Variants in COL5A1 observed in about 807,000 individuals in gnomAD.
COL5A1 encodes collagen alpha-1(V) chain.
COL5A1 carries 16 observed loss-of-function variants against 263.7 expected under a neutral mutation model. The observed-to-expected ratio is 0.06, with a 90% CI of 0.04 to 0.09. COL5A1 has a LOEUF of 0.09. COL5A1 is among the 10% of genes least tolerant of loss of function. The probability of loss-of-function intolerance (pLI) is 1.00; values close to 1 mark genes in which losing one functional copy is unlikely to be tolerated. For synonymous variants in COL5A1, 1,012 were observed against 1,004.5 expected (o/e 1.01, Z -0.14); for missense variants, 2,036 against 2,540.5 (o/e 0.80, Z 4.27).
At chr9:134,795,008 C>T in intron 32 of COL5A1, 74 bp from the exon 33 acceptor site, 1 of 1,520,154 alleles carries the variant, frequency 6.6e-7, no homozygotes, top group South Asian at 1.1e-5. Flanking sequence ...CTCTCAATAA[C>T]CCGGGAGACA....
chr9:134,806,836 G>A (rs961645916), intron 42 of COL5A1, among the ~76,000 whole-genome samples: 3 of 152,138 alleles, frequency 2.0e-5, no homozygotes, highest in African/African-American at 7.2e-5. Flanking sequence ...CAAAGAAGGG[G>A]CAGGGGATGG....
chr9:134,748,461 C>T (rs1009447798), intron 11 of COL5A1, among the ~76,000 whole-genome samples: 1 of 152,238 alleles, frequency 6.6e-6, no homozygotes, highest in Admixed American at 6.5e-5. Flanking sequence ...GCAGCTTGTC[C>T]TTGGGAGACA....
At position 134,821,953 on chromosome 9, in the gene COL5A1, G is replaced by A; in HGVS notation, c.4555-144G>A. On this transcript the variant is annotated intron_variant, in intron 58 of 65. Coordinates refer to ENST00000371817, the MANE Select transcript of COL5A1 (RefSeq NM_000093.5). The surrounding 1 kb of genome is among the most constrained non-coding windows in gnomAD (Gnocchi z 4.2). Reference sequence around the variant, plus strand: ...ATGCACAGCCCAGGATCAGAAAGCAGCCACAGGAGGCTGCTGAGGGGCCAA... The same window carrying A: ...ATGCACAGCCCAGGATCAGAAAGCAACCACAGGAGGCTGCTGAGGGGCCAA... 1.3e-6 allele frequency: 1 copy of A among 761,580 alleles called. No individual in the cohort carries two copies. Among genetic ancestry groups the A allele is most frequent in the Non-Finnish European group, 2.4e-6 (1 of 425,246 alleles). 47.2% of individuals were successfully genotyped at this position (761,580 alleles called of 1,614,324 possible). A position where few individuals can be genotyped will look rare whatever the true frequency, so the allele number is the denominator to read the frequency against.
At position 134,642,131 on chromosome 9, in the gene COL5A1, G is replaced by C; in HGVS notation, c.-57G>C. The C allele has an allele frequency of 8.1e-7, 1 of 1,234,550 alleles. No individual in the cohort carries two copies. The highest frequency in any genetic ancestry group is 4.3e-5 in the Admixed American group (1 of 23,502). 76.5% of individuals were successfully genotyped at this position (1,234,550 alleles called of 1,614,324 possible). ...TGCCCGGGCCGTGACCCGCGCCCCT[G>C]TGCGTCCCCGCGCGCCTCCGAGCGC... On this transcript the variant is annotated 5_prime_UTR_variant, in exon 1 of 66. Coordinates refer to ENST00000371817, the MANE Select transcript of COL5A1 (RefSeq NM_000093.5). This position sits in a 1 kb window ranked among gnomAD's most constrained non-coding sequence, Gnocchi z 4.5.
chr9:134,731,946 TG>T, intron 8 of COL5A1, 124 bp from the exon 9 acceptor site: 1 of 1,145,626 alleles, frequency 8.7e-7, no homozygotes, highest in South Asian at 1.2e-5. Context: ...CTCCTGGGCC[TG>T]GGGAGATGCC....
At chr9:134,706,856 G>A (rs568470617) in intron 4 of COL5A1, among the ~76,000 whole-genome samples, 2 of 152,346 alleles carry the variant, frequency 1.3e-5, no homozygotes, top group South Asian at 2.1e-4. Flanking sequence ...TAAGCTGTTA[G>A]CAAGGGCAGA....
At chr9:134,694,662 C>T (rs945819086) in intron 2 of COL5A1, among the ~76,000 whole-genome samples, 1 of 152,218 alleles carries the variant, frequency 6.6e-6, no homozygotes, top group Non-Finnish European at 1.5e-5. Context: ...CAACCCTGAG[C>T]CACGGTTGCT....
intron 4 of COL5A1, among the ~76,000 whole-genome samples, chr9:134,724,786 C>T (rs1259967958): frequency 6.6e-6 from 1 of 152,202 alleles, no homozygotes; most frequent in East Asian, 1.9e-4. Flanking sequence ...TGTCACTAGA[C>T]TCCTCCTGGC....
chr9:134,681,386 G>C lies in COL5A1; in HGVS notation c.110-9526G>C, dbSNP rs776962244. Reference sequence around the variant, plus strand: ...ATTTCTGCGAGCATCTGCGGGTGCCGGGCTGTGCGGGGCCCCTGCCCTCCT... The same window carrying C: ...ATTTCTGCGAGCATCTGCGGGTGCCCGGCTGTGCGGGGCCCCTGCCCTCCT... On this transcript the variant is annotated intron_variant, in intron 1 of 65. Transcript: ENST00000371817. The surrounding 1 kb of genome is among the most constrained non-coding windows in gnomAD (Gnocchi z 4.3). Among the ~76,000 whole-genome samples, 1 of 152,226 alleles carries C rather than the reference G, an allele frequency of 6.6e-6. No homozygotes were observed. Among genetic ancestry groups the C allele is most frequent in the Non-Finnish European group, 1.5e-5 (1 of 68,036 alleles).
Position 134,730,410 on chromosome 9 carries a change from C to T in COL5A1, c.1099C>T (p.Pro367Ser). Residue 367 changes from proline to serine, a missense_variant, in exon 7 of 66, where the codon CCC (proline) becomes TCC (serine). By Grantham distance (74) the Pro-to-Ser change is moderately conservative. Transcript: ENST00000371817. Reference protein sequence around the residue: ...YGEGEENPDQPTDPGAGAEIP... With the variant: ...YGEGEENPDQSTDPGAGAEIP... ...CGAGGGGGAGGAGAACCCCGACCAGCCCACAGACCCAGGCGCTGGGGCCGA... is the reference window on the plus strand; with the variant it reads ...CGAGGGGGAGGAGAACCCCGACCAGTCCACAGACCCAGGCGCTGGGGCCGA... 1 of 1,614,204 alleles carries T rather than the reference C, an allele frequency of 6.2e-7. No homozygotes were observed. The highest frequency in any genetic ancestry group is 1.1e-5 in the South Asian group (1 of 91,092).
intron 45 of COL5A1, 32 bp from the exon 46 acceptor site, chr9:134,811,460 A>T (rs760238885): frequency 5.6e-6 from 9 of 1,613,646 alleles, no homozygotes; most frequent in South Asian, 1.1e-5. Flanking sequence ...CATTGCCAGC[A>T]TCCTCACCCA....
intron 32 of COL5A1, among the ~76,000 whole-genome samples, chr9:134,792,118 CA>C (rs35273159): frequency 0.049 from 7,507 of 152,294 alleles, 211 homozygotes; most frequent in Non-Finnish European, 0.056. Flanking sequence ...GGGGCCGGCA[CA>C]GGGCCGAGCC....
intron 13 of COL5A1, 74 bp from the exon 14 acceptor site, chr9:134,752,515 C>A: frequency 8.5e-7 from 1 of 1,173,324 alleles, no homozygotes; most frequent in Non-Finnish European, 1.3e-6. Flanking sequence ...TGCCACATCT[C>A]ACGGCTCAGG....
chr9:134,774,611 G>A (rs577756231), intron 26 of COL5A1, among the ~76,000 whole-genome samples: 14 of 152,316 alleles, frequency 9.2e-5, no homozygotes, highest in African/African-American at 2.9e-4. Flanking sequence ...CCTGACTGCC[G>A]GGGTGGGGCC....
intron 44 of COL5A1, 38 bp from the exon 45 acceptor site, chr9:134,811,301 C>G: frequency 1.2e-6 from 2 of 1,604,324 alleles, no homozygotes; most frequent in African/African-American, 2.7e-5. Flanking sequence ...TATCCACGAT[C>G]CAAGAAGCTA....
At chr9:134,690,837 C>T (rs1833252290) in intron 1 of COL5A1, 75 bp from the exon 2 acceptor site, 6 of 1,572,726 alleles carry the variant, frequency 3.8e-6, no homozygotes, top group Admixed American at 1.7e-5. Context: ...TGCTTCCTGT[C>T]ATCCCAGCTT....
Position 134,765,821 on chromosome 9 carries a change from G to C in COL5A1, c.2088+87G>C. On this transcript the variant is annotated intron_variant, in intron 21 of 65. Coordinates refer to ENST00000371817, the MANE Select transcript of COL5A1 (RefSeq NM_000093.5). This position sits in a 1 kb window ranked among gnomAD's most constrained non-coding sequence, Gnocchi z 5.1. ...AGCCGGTGGACGCTTGGGCACTGGG[G>C]CAGCAAGTCCGTGCTGGCCCCTCTG... The C allele has an allele frequency of 2.6e-6, 3 of 1,167,968 alleles. No individual in the cohort carries two copies. The highest frequency in any genetic ancestry group is 3.7e-6 in the Non-Finnish European group (3 of 801,208). 72.4% of individuals were successfully genotyped at this position (1,167,968 alleles called of 1,614,324 possible). A position where few individuals can be genotyped will look rare whatever the true frequency, so the allele number is the denominator to read the frequency against.
intron 31 of COL5A1, among the ~76,000 whole-genome samples, chr9:134,786,702 A>AT (rs35655116): frequency 0.11 from 17,236 of 152,016 alleles, 1,332 homozygotes; most frequent in African/African-American, 0.21. Flanking sequence ...TGAAAATGTT[A>AT]TTTTTTTTCA....
chr9:134,831,837 G>C (rs1465907069), intron 64 of COL5A1, among the ~76,000 whole-genome samples: 3 of 152,216 alleles, frequency 2.0e-5, no homozygotes, highest in African/African-American at 7.2e-5. Context: ...GTTCCACAGA[G>C]AGTTAATGAA....
Sources: gnomAD v4.1 joint callset for allele counts (sites outside exome capture counted in the v4.1 genomes callset) on GRCh38, gnomAD v4.1.1 for gene constraint, Gnocchi (gnomAD v3.1) non-coding constraint, MANE v1.5 for transcripts, NCBI Gene and HGNC (gene_info 2026-07-23, HGNC 2026-07-21) for gene names.